Variants in TUBGCP5 observed in about 807,000 individuals in gnomAD.
TUBGCP5 encodes gamma-tubulin complex component 5.
TUBGCP5 carries 98 observed loss-of-function variants against 134.7 expected under a neutral mutation model. The ratio of observed to expected loss-of-function variants is 0.73; its 90% CI spans 0.62 to 0.86. The LOEUF is 0.86. Among genes scored for constraint, TUBGCP5 ranks in the 40% least tolerant of loss-of-function variants. The probability of loss-of-function intolerance (pLI) is 0.00; values close to 1 mark genes in which losing one functional copy is unlikely to be tolerated. For missense variants in TUBGCP5, 1,150 were observed against 1,244.8 expected (o/e 0.92, Z 1.15); for synonymous variants, 456 against 431.4 (o/e 1.06, Z -0.71).
At chr15:22,984,726 A>G (rs2063631951) in intron 23 of TUBGCP5, among the ~76,000 whole-genome samples, 1 of 152,240 alleles carries the variant, frequency 6.6e-6, no homozygotes, top group African/African-American at 2.4e-5. Context: ...TACAAAAAGT[A>G]ACTGGCTGTG....
rs542905350 is a variant in TUBGCP5 at position 23,020,584 on chromosome 15, C to CAAAAAA, written c.1372-1256_1372-1251dup. 8.9e-4 allele frequency among the ~76,000 whole-genome samples: 68 copies of CAAAAAA among 76,210 alleles called. 1 individual carries two copies. Among genetic ancestry groups the CAAAAAA allele is most frequent in the African/African-American group, 1.9e-3 (37 of 19,954 alleles). The allele number at this position is 76,210 out of a possible 152,430, so 50.0% of individuals were successfully genotyped here. A position where few individuals can be genotyped will look rare whatever the true frequency, so the allele number is the denominator to read the frequency against. On this transcript the variant is annotated intron_variant, in intron 11 of 22. Transcript: ENST00000615383. Reference sequence around the variant, plus strand: ...CTGGCAACAGAGCAAGACTACGTCTCAAAAAAAAAAAAAAAAAAAAAAGAA... The same window carrying CAAAAAA: ...CTGGCAACAGAGCAAGACTACGTCTCAAAAAAAAAAAAAAAAAAAAAAAAAAAAGAA...
intron 20 of TUBGCP5, 152 bp downstream of exon 20, chr15:23,003,950 G>T: frequency 9.8e-7 from 1 of 1,020,376 alleles, no homozygotes; most frequent in Non-Finnish European, 1.3e-6. Flanking sequence ...ATTGTGGCCG[G>T]CCTGGGGCAT....
chr15:23,008,241 A>G (rs2064836495), intron 16 of TUBGCP5, among the ~76,000 whole-genome samples: 1 of 151,980 alleles, frequency 6.6e-6, no homozygotes, highest in Non-Finnish European at 1.5e-5. Context: ...GTTTAGCAGG[A>G]GAGTCACATA....
chr15:23,005,883 G>C lies in TUBGCP5; in HGVS notation c.2533+169C>G, dbSNP rs975095178. The C allele has an allele frequency of 6.9e-6, 5 of 729,152 alleles. No homozygotes were observed. In the South Asian group the frequency reaches 1.0e-4, roughly 15 times the overall value. 45.2% of individuals were successfully genotyped at this position (729,152 alleles called of 1,614,324 possible). A position where few individuals can be genotyped will look rare whatever the true frequency, so the allele number is the denominator to read the frequency against. On this transcript the variant is annotated intron_variant, in intron 18 of 22. Transcript: ENST00000615383. ...GGCATTTGATGTCCATAAAACTACT[G>C]CTAGAATACGCACCATTTTGGCATT... is the stretch of plus-strand genomic sequence containing the variant.
intron 9 of TUBGCP5, 22 bp downstream of exon 9, chr15:23,024,715 A>AC (rs752398313): frequency 3.3e-5 from 40 of 1,214,382 alleles, no homozygotes; most frequent in Non-Finnish European, 4.6e-5. Flanking sequence ...TTCTTAAATT[A>AC]CCATAAATAC....
chr15:22,992,525 A>G (rs570280731), intron 23 of TUBGCP5, among the ~76,000 whole-genome samples: 2 of 152,280 alleles, frequency 1.3e-5, no homozygotes, highest in Admixed American at 1.3e-4. Context: ...ACACACATGT[A>G]TATTAATGGC....
At chr15:23,035,816 G>A (rs1201306241) in intron 3 of TUBGCP5, among the ~76,000 whole-genome samples, 1 of 152,172 alleles carries the variant, frequency 6.6e-6, no homozygotes, top group Non-Finnish European at 1.5e-5. Flanking sequence ...TAGTGAAGCA[G>A]ACAAGACTGC....
chr15:22,993,999 A>G (rs1595791600), intron 23 of TUBGCP5, among the ~76,000 whole-genome samples: 1 of 151,444 alleles, frequency 6.6e-6, no homozygotes, highest in East Asian at 2.0e-4. Flanking sequence ...AGATTAATAA[A>G]TGTTGCCTCA....
Position 23,004,189 on chromosome 15 carries a change from G to A in TUBGCP5, c.2751C>T (p.Val917=), listed in dbSNP as rs113414194. The part of the protein sequence containing the change: ...HSTGLEFQHQ[V]EEAKDLDQLI... ...ATTGATCTAAATCCTTGGCTTCCTC[G>A]ACTTGATGTTGAAACTCCAGCCCTG... is the stretch of plus-strand genomic sequence containing the variant. Residue 917 remains valine, a synonymous_variant, in exon 20 of 23, where the codon GTC becomes GTT. Coordinates refer to ENST00000615383, the MANE Select transcript of TUBGCP5 (RefSeq NM_052903.6). 75 of 1,613,172 alleles carry A rather than the reference G, an allele frequency of 4.6e-5. No individual in the cohort carries two copies. In the African/African-American group the frequency reaches 5.3e-4, roughly 11 times the overall value.
chr15:23,035,132 A>T (rs1595911746), intron 3 of TUBGCP5, among the ~76,000 whole-genome samples: 1 of 152,082 alleles, frequency 6.6e-6, no homozygotes, highest in East Asian at 1.9e-4. Flanking sequence ...GTTCGGGACC[A>T]GCCTGGCCAA....
At chr15:23,014,583 C>T (rs1218580302) in intron 13 of TUBGCP5, among the ~76,000 whole-genome samples, 1 of 149,620 alleles carries the variant, frequency 6.7e-6, no homozygotes, top group Non-Finnish European at 1.5e-5. Context: ...GAAGCAGCCT[C>T]ATGGGCTGCC....
In TUBGCP5 at chr15:23,026,225, A is replaced by T; in HGVS notation, c.738-20T>A. ...TGGTCCCTATGAGACAGCAAACATA[A>T]ATGTCAATAGAAAGGTTTCTAAGTA... On this transcript the variant is annotated intron_variant, in intron 7 of 22. Coordinates refer to ENST00000615383, the MANE Select transcript of TUBGCP5 (RefSeq NM_052903.6). The T allele has an allele frequency of 6.2e-7, 1 of 1,600,424 alleles. No individual in the cohort carries two copies. The highest frequency in any genetic ancestry group is 8.6e-7 in the Non-Finnish European group (1 of 1,168,264).
intron 13 of TUBGCP5, among the ~76,000 whole-genome samples, chr15:23,011,665 C>T (rs1272715282): frequency 1.3e-5 from 2 of 148,834 alleles, no homozygotes; most frequent in Non-Finnish European, 3.0e-5. Flanking sequence ...CCACCACGCC[C>T]GGCTAATTTT....
chr15:23,008,890 A>T lies in TUBGCP5; in HGVS notation c.2145-9T>A. 1 of 1,538,286 alleles carries T rather than the reference A, an allele frequency of 6.5e-7. No homozygotes were observed. Among genetic ancestry groups the T allele is most frequent in the South Asian group, 1.3e-5 (1 of 79,252 alleles). The stretch of plus-strand genomic sequence containing the variant: ...GCAAGTATTCTACCAACCTGAATGG[A>T]GAGAAAATGAGTGACACTAAGATCT... On this transcript the variant is annotated splice_polypyrimidine_tract_variant and intron_variant, in intron 15 of 22. Transcript: ENST00000615383.
At chr15:23,039,266 G>A in intron 1 of TUBGCP5, 132 bp downstream of exon 1, 1 of 1,070,810 alleles carries the variant, frequency 9.3e-7, no homozygotes, top group Non-Finnish European at 1.2e-6. Context: ...CAGGGCCTGC[G>A]AAGGCTCCCT....
At chr15:22,989,847 A>G (rs2063794631) in intron 23 of TUBGCP5, among the ~76,000 whole-genome samples, 1 of 152,328 alleles carries the variant, frequency 6.6e-6, no homozygotes, top group African/African-American at 2.4e-5. Context: ...TTGGGAGCTT[A>G]GAGTTGGAAC....
chr15:23,010,303 A>G (rs1251803349), intron 14 of TUBGCP5, among the ~76,000 whole-genome samples, 170 bp from the exon 15 acceptor site: 1 of 152,204 alleles, frequency 6.6e-6, no homozygotes, highest in Admixed American at 6.5e-5. Context: ...AGTCTCTTGA[A>G]GTTGCCACTG....
At chr15:23,010,789 G>A (rs2064991586) in intron 14 of TUBGCP5, among the ~76,000 whole-genome samples, 1 of 152,016 alleles carries the variant, frequency 6.6e-6, no homozygotes, top group East Asian at 1.9e-4. Flanking sequence ...GGCAAGCCTG[G>A]CCAACAGGAG....
intron 23 of TUBGCP5, among the ~76,000 whole-genome samples, chr15:22,988,350 A>G (rs904879236): frequency 1.3e-5 from 2 of 151,822 alleles, no homozygotes; most frequent in Non-Finnish European, 2.9e-5. Context: ...CAGCCCCCGA[A>G]ACTGAGCAGG....
Sources: gnomAD v4.1 joint callset for allele counts (sites outside exome capture counted in the v4.1 genomes callset) on GRCh38, gnomAD v4.1.1 for gene constraint, MANE v1.5 for transcripts, NCBI Gene and HGNC (gene_info 2026-07-23, HGNC 2026-07-21) for gene names.